KMT2C: variants seen among roughly 807,000 people sequenced by gnomAD.
KMT2C encodes the protein lysine methyltransferase 2C.
In KMT2C, 88 loss-of-function variants were observed where a neutral mutation model predicts 507.9. That is an observed-to-expected ratio of 0.17 (90% CI 0.15 to 0.21). KMT2C has a LOEUF of 0.21. KMT2C is among the 10% of genes least tolerant of loss of function. KMT2C has a pLI of 1.00. For synonymous variants in KMT2C, 2,049 were observed against 2,080.8 expected, an observed-to-expected ratio of 0.98 and a Z score of 0.42; for missense variants, 4,954 against 5,957.8, an observed-to-expected ratio of 0.83 and a Z score of 5.55.
intron 2 of KMT2C, among the ~76,000 whole-genome samples, chr7:152,350,952 T>A (rs564119136): frequency 4.4e-4 from 67 of 152,328 alleles, no homozygotes; most frequent in Non-Finnish European, 8.5e-4. Context: ...TTTAGGGTTT[T>A]TCTTTTTTGT....
At chr7:152,168,181 C>G (rs1004876378) in intron 41 of KMT2C, among the ~76,000 whole-genome samples, 4 of 151,702 alleles carry the variant, frequency 2.6e-5, no homozygotes, top group African/African-American at 9.7e-5. Flanking sequence ...TAGTGAAATT[C>G]TGAATATACC....
At chr7:152,307,336 G>A (rs1043105066) in intron 6 of KMT2C, among the ~76,000 whole-genome samples, 8 of 145,010 alleles carry the variant, frequency 5.5e-5, no homozygotes, top group African/African-American at 2.1e-4. Flanking sequence ...GAAGGAAAGA[G>A]GGAGGGAGGG....
intron 1 of KMT2C, among the ~76,000 whole-genome samples, chr7:152,373,045 T>C (rs1441492259): frequency 6.6e-6 from 1 of 152,046 alleles, no homozygotes; most frequent in Non-Finnish European, 1.5e-5. Context: ...TAGAAATCAA[T>C]GACATAGGAA....
At chr7:152,332,433 T>C (rs1380692881) in intron 2 of KMT2C, among the ~76,000 whole-genome samples, 1 of 152,200 alleles carries the variant, frequency 6.6e-6, no homozygotes, top group Non-Finnish European at 1.5e-5. Flanking sequence ...CTTAAAGTCC[T>C]TTCAAGCGCC....
rs1264248447 is a variant in KMT2C at position 152,380,890 on chromosome 7, AAGG to A, written c.162-22218_162-22216del. On this transcript the variant is annotated intron_variant, in intron 1 of 58. Coordinates refer to ENST00000262189, the MANE Select transcript of KMT2C (RefSeq NM_170606.3). ...AAAAGGGAACAAATAAAAGCACCGAAAGGTAAGACAGACCTAGTATATTTATGA... is the reference window on the plus strand; with the variant it reads ...AAAAGGGAACAAATAAAAGCACCGAATAAGACAGACCTAGTATATTTATGA... Among the ~76,000 whole-genome samples the A allele has an allele frequency of 5.3e-5, 8 of 152,346 alleles. No individual in the cohort carries two copies. In the South Asian group the frequency reaches 1.4e-3, roughly 28 times the overall value.
chr7:152,410,519 A>G (rs1192508237), intron 1 of KMT2C, among the ~76,000 whole-genome samples: 2 of 152,144 alleles, frequency 1.3e-5, no homozygotes, highest in Non-Finnish European at 2.9e-5. Context: ...TGGAGGCTGC[A>G]GTGAGCCGAG....
chr7:152,345,304 G>A (rs1022651684), intron 2 of KMT2C, among the ~76,000 whole-genome samples: 5 of 151,996 alleles, frequency 3.3e-5, no homozygotes, highest in African/African-American at 9.7e-5. Flanking sequence ...CAGCTACTTG[G>A]GAGGCTGAGC....
At chr7:152,228,266 T>C (rs1289937057) in intron 18 of KMT2C, among the ~76,000 whole-genome samples, 4 of 152,206 alleles carry the variant, frequency 2.6e-5, no homozygotes, top group East Asian at 3.9e-4. Context: ...TTTTAAAGAG[T>C]GTTAAGGTTC....
intron 1 of KMT2C, among the ~76,000 whole-genome samples, chr7:152,372,187 A>AC (rs2097297994): frequency 1.3e-5 from 2 of 151,880 alleles, no homozygotes; most frequent in Admixed American, 1.3e-4. Context: ...ACGGAGTCTC[A>AC]CTCTGTCGCC....
chr7:152,407,964 A>G (rs1338007250), intron 1 of KMT2C, among the ~76,000 whole-genome samples: 1 of 152,310 alleles, frequency 6.6e-6, no homozygotes, highest in East Asian at 1.9e-4. Flanking sequence ...TGGAACATAT[A>G]CTTCAGTATT....
intron 23 of KMT2C, chr7:152,220,230 T>C: frequency 8.0e-6 from 3 of 373,900 alleles, no homozygotes; most frequent in South Asian, 3.7e-5. Context: ...TGTGTCGTTA[T>C]CTAGCAAACT....
intron 2 of KMT2C, among the ~76,000 whole-genome samples, chr7:152,334,731 A>G (rs2096918438): frequency 6.6e-6 from 1 of 152,196 alleles, no homozygotes; most frequent in South Asian, 2.1e-4. Context: ...AATGCTGCCA[A>G]TGAGGCGCAA....
chr7:152,369,757 C>T (rs1037434370), intron 1 of KMT2C, among the ~76,000 whole-genome samples: 2 of 152,194 alleles, frequency 1.3e-5, no homozygotes, highest in Admixed American at 6.5e-5. Flanking sequence ...GCCCTCACCA[C>T]ATGCGGCAAC....
chr7:152,252,686 T>C lies in KMT2C; in HGVS notation c.1329A>G (p.Thr443=). 6.2e-7 allele frequency: 1 copy of C among 1,613,186 alleles called. No individual in the cohort carries two copies. The highest frequency in any genetic ancestry group is 2.2e-5 in the East Asian group (1 of 44,804). The part of the protein sequence containing the change: ...KNCRICIECG[T]RSSSQWHHNC... ...TGTGGTGCCACTGAGAACTAGACCG[T>C]GTGCCACACTCTATACATATTCTGC... Residue 443 remains threonine (T), a synonymous_variant, in exon 10 of 59, where the codon ACA becomes ACG. Coordinates refer to ENST00000262189, the MANE Select transcript of KMT2C (RefSeq NM_170606.3).
chr7:152,372,498 A>T (rs1460955187), intron 1 of KMT2C, among the ~76,000 whole-genome samples: 1 of 152,142 alleles, frequency 6.6e-6, no homozygotes, highest in Non-Finnish European at 1.5e-5. Flanking sequence ...TGCTGCCTAC[A>T]AGAGACTCTC....
At chr7:152,185,127 G>A (rs781767253) in intron 34 of KMT2C, among the ~76,000 whole-genome samples, 13 of 152,126 alleles carry the variant, frequency 8.5e-5, no homozygotes, top group South Asian at 2.1e-4. Flanking sequence ...TATGTAAATC[G>A]TTGTTACATT....
At chr7:152,425,081 A>ATGGG (rs1379027091) in intron 1 of KMT2C, among the ~76,000 whole-genome samples, 1 of 152,290 alleles carries the variant, frequency 6.6e-6, no homozygotes, top group African/African-American at 2.4e-5. Flanking sequence ...ATGATTTACT[A>ATGGG]TGGGTCTACA....
At chr7:152,417,969 A>C (rs749686327) in intron 1 of KMT2C, among the ~76,000 whole-genome samples, 7,382 of 142,876 alleles carry the variant, frequency 0.052, 337 homozygotes, top group African/African-American at 0.11. Context: ...AAAAAAAAAA[A>C]AAAGATGGAG....
intron 2 of KMT2C, among the ~76,000 whole-genome samples, chr7:152,355,554 A>C (rs116910994): frequency 0.04 from 6,117 of 152,188 alleles, 165 homozygotes; most frequent in South Asian, 0.082. Context: ...AAAAAACAAA[A>C]AAACAAACAA....
Sources: gnomAD v4.1 joint callset for allele counts (sites outside exome capture counted in the v4.1 genomes callset) on GRCh38, gnomAD v4.1.1 for gene constraint, MANE v1.5 for transcripts, NCBI Gene and HGNC (gene_info 2026-07-23, HGNC 2026-07-21) for gene names.